UNC13B: variants seen among roughly 807,000 people sequenced by gnomAD.
The protein encoded by UNC13B is unc-13 homolog B, also known as protein unc-13 homolog B.
UNC13B carries 144 observed loss-of-function variants against 211.0 expected under a neutral mutation model. That is an observed-to-expected ratio of 0.68 (90% CI 0.60 to 0.78). The LOEUF (loss-of-function observed/expected upper bound fraction) is 0.78, where lower values mean the gene tolerates loss of function less well. Ranked by LOEUF, UNC13B falls within the 30% of genes least tolerant of loss-of-function variation. The pLI, the probability that UNC13B is intolerant of heterozygous loss-of-function variation, is 0.00. For missense variants in UNC13B, 1,777 were observed against 2,002.0 expected, an observed-to-expected ratio of 0.89 and a Z score of 2.14; for synonymous variants, 709 against 725.8, an observed-to-expected ratio of 0.98 and a Z score of 0.37.
chr9:35,358,852 C>T (rs1031031677), intron 11 of UNC13B, among the ~76,000 whole-genome samples: 5 of 151,932 alleles, frequency 3.3e-5, no homozygotes, highest in African/African-American at 4.8e-5. Flanking sequence ...GCATCCACCA[C>T]GAAGCCTGGT....
At chr9:35,332,133 C>T (rs1259781151) in intron 11 of UNC13B, among the ~76,000 whole-genome samples, 1 of 152,156 alleles carries the variant, frequency 6.6e-6, no homozygotes, top group Admixed American at 6.5e-5. Context: ...AGGCATGAGC[C>T]ACCACGTCTG....
intron 20 of UNC13B, among the ~76,000 whole-genome samples, chr9:35,382,058 C>T (rs1208706021): frequency 1.3e-5 from 2 of 152,134 alleles, no homozygotes; most frequent in Middle Eastern, 3.2e-3. Flanking sequence ...TTGTGACAAC[C>T]GGTCTGGCCT....
intron 11 of UNC13B, among the ~76,000 whole-genome samples, chr9:35,320,842 A>G (rs1429417454): frequency 6.6e-6 from 1 of 152,210 alleles, no homozygotes; most frequent in Non-Finnish European, 1.5e-5. Context: ...GGAATCTGGC[A>G]AAGTGTGTTT....
At chr9:35,337,070 G>A (rs1831704320) in intron 11 of UNC13B, among the ~76,000 whole-genome samples, 1 of 151,874 alleles carries the variant, frequency 6.6e-6, no homozygotes, top group Non-Finnish European at 1.5e-5. Context: ...AAAGAACTTT[G>A]ATAACATGTA....
intron 7 of UNC13B, among the ~76,000 whole-genome samples, chr9:35,263,656 C>T (rs1056316013): frequency 2.6e-5 from 4 of 152,026 alleles, no homozygotes; most frequent in Admixed American, 6.6e-5. Context: ...TTGCTGAGAA[C>T]TTAATTGTGT....
At chr9:35,197,008 C>T (rs948501793) in intron 1 of UNC13B, among the ~76,000 whole-genome samples, 3 of 151,844 alleles carry the variant, frequency 2.0e-5, no homozygotes, top group African/African-American at 7.3e-5. Context: ...TGTGCTCAAG[C>T]ATTCCTCCTG....
intron 29 of UNC13B, 140 bp downstream of exon 29, chr9:35,397,450 G>A: frequency 7.1e-7 from 1 of 1,412,574 alleles, no homozygotes; most frequent in East Asian, 2.3e-5. Flanking sequence ...TGGTTTCTGG[G>A]GCAGACAGAT....
chr9:35,301,356 T>C lies in UNC13B; in HGVS notation c.1952T>C (p.Ile651Thr), dbSNP rs1297444055. 2.5e-6 allele frequency: 1 copy of C among 398,556 alleles called. No individual in the cohort carries two copies. Among genetic ancestry groups the C allele is most frequent in the African/African-American group, 2.1e-5 (1 of 48,604 alleles). The allele number at this position is 398,556 out of a possible 1,614,324, so 24.7% of individuals were successfully genotyped here. A position where few individuals can be genotyped will look rare whatever the true frequency, so the allele number is the denominator to read the frequency against. ...DLAPQSQSSV[I>T]KSVFSRLNPL... is the part of the protein sequence containing the mutation. The stretch of plus-strand genomic sequence containing the variant: ...GCTCCACAGAGTCAGAGTTCAGTTA[T>C]AAAGTCGGTTTTCAGCAGGTTAAAT... The change falls in exon 9 of 40, where the codon ATA becomes ACA. Residue 651 changes from isoleucine to threonine, a missense_variant. Coordinates refer to ENST00000635942, the MANE Select transcript of UNC13B (RefSeq NM_001371189.2).
intron 7 of UNC13B, among the ~76,000 whole-genome samples, chr9:35,287,859 C>G (rs1213632368): frequency 6.6e-6 from 1 of 151,990 alleles, no homozygotes; most frequent in East Asian, 1.9e-4. Context: ...TGTCTACTGG[C>G]CATGTTCATT....
At chr9:35,170,044 T>C (rs1038704978) in intron 1 of UNC13B, among the ~76,000 whole-genome samples, 45 of 152,224 alleles carry the variant, frequency 3.0e-4, no homozygotes, top group African/African-American at 1.0e-3. Flanking sequence ...ACTCAAATAA[T>C]CCATTAGGAT....
intron 7 of UNC13B, among the ~76,000 whole-genome samples, chr9:35,266,378 C>T (rs2131658968): frequency 6.6e-6 from 1 of 152,266 alleles, no homozygotes; most frequent in Non-Finnish European, 1.5e-5. Context: ...CACTGGGCTA[C>T]TGCTCTAAAG....
chr9:35,209,725 G>T (rs548114959), intron 1 of UNC13B, among the ~76,000 whole-genome samples: 1 of 152,192 alleles, frequency 6.6e-6, no homozygotes, highest in Admixed American at 6.5e-5. Flanking sequence ...TCTATACATT[G>T]CTGCTGTTTT....
intron 1 of UNC13B, among the ~76,000 whole-genome samples, chr9:35,170,894 A>G (rs929352901): frequency 6.6e-6 from 1 of 151,974 alleles, no homozygotes; most frequent in South Asian, 2.1e-4. Flanking sequence ...TGCAGCCTCA[A>G]TCTTGCCAAG....
chr9:35,198,696 G>T (rs10972380), intron 1 of UNC13B, among the ~76,000 whole-genome samples: 28,217 of 152,016 alleles, frequency 0.19, 2,951 homozygotes, highest in Non-Finnish European at 0.24. Flanking sequence ...TTGTTAAATT[G>T]TTGTGACCAA....
In UNC13B at chr9:35,310,785, G is replaced by A. The variant is rs1564128321; in HGVS notation, c.9323+4G>A. On this transcript the variant is annotated splice_donor_region_variant and intron_variant, in intron 10 of 39. Coordinates refer to ENST00000635942, the MANE Select transcript of UNC13B (RefSeq NM_001371189.2). ...ACTTCCTAGGTCCCCAGGAGAGGTA[G>A]GCAACAGCTGCCTTGAGGAGCTCAC... is the stretch of plus-strand genomic sequence containing the variant. 3 of 1,611,740 alleles carry A rather than the reference G, an allele frequency of 1.9e-6. No homozygotes were observed. Among genetic ancestry groups the A allele is most frequent in the East Asian group, 4.5e-5 (2 of 44,850 alleles).
At chr9:35,206,906 T>A (rs1043113582) in intron 1 of UNC13B, among the ~76,000 whole-genome samples, 2 of 150,606 alleles carry the variant, frequency 1.3e-5, no homozygotes, top group African/African-American at 4.9e-5. Flanking sequence ...ACACAAAAAC[T>A]CTAGTGTATG....
At chr9:35,219,647 GT>G (rs1363673661) in intron 1 of UNC13B, among the ~76,000 whole-genome samples, 3 of 148,472 alleles carry the variant, frequency 2.0e-5, no homozygotes, top group Non-Finnish European at 4.5e-5. Flanking sequence ...TAAAGACATT[GT>G]TTTCTTTAAA....
At chr9:35,265,150 G>C (rs988844103) in intron 7 of UNC13B, among the ~76,000 whole-genome samples, 6 of 152,198 alleles carry the variant, frequency 3.9e-5, no homozygotes, top group Non-Finnish European at 7.3e-5. Flanking sequence ...GGCTGGGGCA[G>C]AATTGTATGA....
At chr9:35,395,413 T>C (rs2132339695) in intron 26 of UNC13B, among the ~76,000 whole-genome samples, 1 of 152,266 alleles carries the variant, frequency 6.6e-6, no homozygotes, top group Middle Eastern at 3.4e-3. Flanking sequence ...GGGCTTCCAT[T>C]TCCTCCTTCA....
Sources: allele counts gnomAD v4.1 joint callset (sites outside exome capture counted in the v4.1 genomes callset), GRCh38; gene constraint gnomAD v4.1.1; transcripts MANE v1.5; gene names NCBI Gene and HGNC (gene_info 2026-07-23, HGNC 2026-07-21).